The following EDEM3 variants were observed in gnomAD, a reference collection of about 807,000 sequenced individuals.
EDEM3 encodes the protein ER degradation-enhancing alpha-mannosidase-like protein 3.
A neutral mutation model predicts 110.2 loss-of-function variants in EDEM3; 60 were observed. That is an observed-to-expected ratio of 0.54 (90% CI 0.44 to 0.67). The LOEUF is 0.67. EDEM3 is among the 30% of genes least tolerant of loss of function. The pLI, the probability that EDEM3 is intolerant of heterozygous loss-of-function variation, is 0.00. For missense variants in EDEM3, 996 were observed against 1,121.0 expected, an observed-to-expected ratio of 0.89 and a Z score of 1.59; for synonymous variants, 352 against 382.9, an observed-to-expected ratio of 0.92 and a Z score of 0.94.
chr1:184,749,616 GAAAA>G (rs35957626), intron 1 of EDEM3, 24 bp from the exon 2 acceptor site: 36,782 of 1,114,196 alleles, frequency 0.033, 6 homozygotes, highest in South Asian at 0.057. Context: ...AGCAGAAATG[GAAAA>G]AAAAAAAAAA....
intron 1 of EDEM3, 24 bp from the exon 2 acceptor site, chr1:184,749,616 GAAAAAAAA>G (rs35957626): frequency 8.8e-7 from 1 of 1,136,212 alleles, no homozygotes; most frequent in Non-Finnish European, 1.2e-6. Flanking sequence ...AGCAGAAATG[GAAAAAAAA>G]AAAAAAAAAG....
At chr1:184,713,884 T>C (rs1419384347) in intron 13 of EDEM3, among the ~76,000 whole-genome samples, 3 of 152,230 alleles carry the variant, frequency 2.0e-5, no homozygotes, top group South Asian at 2.1e-4. Context: ...TTATTTAGCA[T>C]AGCACTTGGC....
intron 5 of EDEM3, 74 bp from the exon 6 acceptor site, chr1:184,733,064 A>G: frequency 6.9e-7 from 1 of 1,440,664 alleles, no homozygotes; most frequent in Non-Finnish European, 9.3e-7. Flanking sequence ...AGGTGTGGGT[A>G]CTTTGTTATA....
At chr1:184,700,090 G>A (rs1649536816) in intron 19 of EDEM3, among the ~76,000 whole-genome samples, 1 of 151,930 alleles carries the variant, frequency 6.6e-6, no homozygotes, top group African/African-American at 2.4e-5. Context: ...TTTCAGAAGT[G>A]TCACAGGTTT....
chr1:184,705,015 G>T (rs766588436), intron 18 of EDEM3, among the ~76,000 whole-genome samples: 1 of 152,156 alleles, frequency 6.6e-6, no homozygotes, highest in Non-Finnish European at 1.5e-5. Flanking sequence ...AGGTTGCAGT[G>T]AGCCAAGATC....
intron 2 of EDEM3, among the ~76,000 whole-genome samples, chr1:184,742,888 ACAT>A (rs1216339603): frequency 6.6e-6 from 1 of 152,228 alleles, no homozygotes; most frequent in African/African-American, 2.4e-5. Flanking sequence ...TCTTTGTAAA[ACAT>A]CATTCAAATG....
Position 184,732,889 on chromosome 1 carries a change from C to A in EDEM3, c.560G>T (p.Gly187Val). Residue 187 changes from glycine to valine, a missense_variant, in exon 6 of 20, where the codon GGT (glycine) becomes GTT (valine). Physicochemically the swap from Gly to Val is moderately radical, Grantham distance 109 (BLOSUM62 -3). Coordinates refer to ENST00000318130, the MANE Select transcript of EDEM3 (RefSeq NM_025191.4). ...DELLQMAKQL[G>V]YKLLPAFNTT... ...GTTGAAAGCCGGTAAAAGTTTGTAA[C>A]CTAACTGCTTTGCCATTTGGAGAAG... 6.2e-7 allele frequency: 1 copy of A among 1,614,000 alleles called. No homozygotes were observed. The highest frequency in any genetic ancestry group is 1.1e-5 in the South Asian group (1 of 91,070).
intron 1 of EDEM3, among the ~76,000 whole-genome samples, chr1:184,751,342 A>G (rs1191875710): frequency 6.6e-6 from 1 of 152,130 alleles, no homozygotes; most frequent in Non-Finnish European, 1.5e-5. Context: ...ATTATTACCA[A>G]GAAGTAGAAA....
chr1:184,752,242 G>T (rs978776336), intron 1 of EDEM3, among the ~76,000 whole-genome samples: 3 of 152,112 alleles, frequency 2.0e-5, no homozygotes, highest in African/African-American at 7.2e-5. Flanking sequence ...TCCACAAAGT[G>T]TAAGTTATTG....
intron 7 of EDEM3, 50 bp downstream of exon 7, chr1:184,726,205 A>G (rs1288869813): frequency 1.3e-6 from 2 of 1,583,486 alleles, no homozygotes; most frequent in African/African-American, 1.4e-5. Context: ...AGAAGATATA[A>G]AGGTAGTTAT....
intron 18 of EDEM3, among the ~76,000 whole-genome samples, chr1:184,705,697 G>C (rs1386964206): frequency 6.6e-6 from 1 of 152,120 alleles, no homozygotes; most frequent in African/African-American, 2.4e-5. Flanking sequence ...TTGGGCGGCA[G>C]GGGAGGGGGG....
chr1:184,719,335 C>G, intron 10 of EDEM3, 90 bp from the exon 11 acceptor site: 1 of 1,515,842 alleles, frequency 6.6e-7, no homozygotes, highest in South Asian at 1.3e-5. Flanking sequence ...TATACAAATA[C>G]AATTCTGAAC....
chr1:184,745,091 C>T (rs1652355878), intron 2 of EDEM3, among the ~76,000 whole-genome samples: 1 of 151,990 alleles, frequency 6.6e-6, no homozygotes, highest in Admixed American at 6.6e-5. Flanking sequence ...AAGAATTGTG[C>T]ACTCAATTTG....
At chr1:184,743,505 A>T (rs1652255145) in intron 2 of EDEM3, among the ~76,000 whole-genome samples, 1 of 152,162 alleles carries the variant, frequency 6.6e-6, no homozygotes, top group Admixed American at 6.5e-5. Flanking sequence ...AAAATAAATC[A>T]TAATAGACCC....
chr1:184,736,344 T>C (rs1651823013), intron 4 of EDEM3, among the ~76,000 whole-genome samples: 2 of 152,206 alleles, frequency 1.3e-5, no homozygotes, highest in African/African-American at 4.8e-5. Flanking sequence ...TTTTTTGTTT[T>C]GTTTTTTAAA....
At position 184,692,976 on chromosome 1, in the gene EDEM3, C is replaced by T. The variant is rs758388535; in HGVS notation, c.*1087G>A. ...AATGTGACAGATTCCTTAGGTGCAACTTTAGAAACCTAAGTTTCAAAGGAG... is the reference window on the plus strand; with the variant it reads ...AATGTGACAGATTCCTTAGGTGCAATTTTAGAAACCTAAGTTTCAAAGGAG... On this transcript the variant is annotated 3_prime_UTR_variant, in exon 20 of 20. Coordinates refer to ENST00000318130, the MANE Select transcript of EDEM3 (RefSeq NM_025191.4). 6.5e-6 allele frequency: 1 copy of T among 154,608 alleles called. No homozygotes were observed. The highest frequency in any genetic ancestry group is 1.5e-5 in the Non-Finnish European group (1 of 68,172). 9.6% of individuals were successfully genotyped at this position (154,608 alleles called of 1,614,324 possible).
chr1:184,694,500 C>T, intron 19 of EDEM3, 28 bp from the exon 20 acceptor site: 1 of 1,517,618 alleles, frequency 6.6e-7, no homozygotes. Flanking sequence ...AAACCTCATG[C>T]TACTTCTCTA....
At chr1:184,720,584 A>G (rs947867810) in intron 9 of EDEM3, 4 of 145,982 alleles carry the variant, frequency 2.7e-5, no homozygotes, top group African/African-American at 7.8e-5. Context: ...ATCTCGACTC[A>G]CTGCAAGCTC....
At chr1:184,706,912 T>C in intron 17 of EDEM3, 104 bp from the exon 18 acceptor site, 1 of 1,194,458 alleles carries the variant, frequency 8.4e-7, no homozygotes, top group South Asian at 1.6e-5. Flanking sequence ...ACTCATTTCT[T>C]TTCTAATGAT....
Sources: gnomAD v4.1 joint callset for allele counts (sites outside exome capture counted in the v4.1 genomes callset) on GRCh38, gnomAD v4.1.1 for gene constraint, MANE v1.5 for transcripts, NCBI Gene and HGNC (gene_info 2026-07-23, HGNC 2026-07-21) for gene names.